Variants in KBTBD11 observed in about 807,000 individuals in gnomAD.
KBTBD11 encodes the protein kelch repeat and BTB domain containing 11, also known as kelch repeat and BTB domain-containing protein 11.
For missense variants in KBTBD11, 1,390 were observed against 1,001.8 expected, an observed-to-expected ratio of 1.39 and a Z score of -5.23; for synonymous variants, 747 against 499.0, an observed-to-expected ratio of 1.50 and a Z score of -6.63.
Position 2,001,841 on chromosome 8 carries a change from C to T in KBTBD11, c.649C>T (p.Pro217Ser). Residue 217 changes from proline (P) to serine (S), a missense_variant, in exon 2 of 2, where the codon CCC becomes TCC. Pro to Ser is a moderately conservative substitution (Grantham distance 74). Transcript: ENST00000320248. ...GGCCGGCGCGCGCCGCCTGCAGCTG[C>T]CCGGCGCCGCGCAGCGCGCCACCGA... is the stretch of plus-strand genomic sequence containing the variant. ...VVAGARRLQL[P>S]GAAQRATDAV... 8.1e-7 allele frequency: 1 copy of T among 1,232,246 alleles called. No individual in the cohort carries two copies. Among genetic ancestry groups the T allele is most frequent in the Non-Finnish European group, 1.0e-6 (1 of 988,150 alleles). The allele number at this position is 1,232,246 out of a possible 1,614,324, so 76.3% of individuals were successfully genotyped here. A position where few individuals can be genotyped will look rare whatever the true frequency, so the allele number is the denominator to read the frequency against.
At chr8:1,974,320 G>A (rs1398630039) in intron 1 of KBTBD11, 2 of 984,492 alleles carry the variant, frequency 2.0e-6, no homozygotes, top group African/African-American at 3.5e-5. Context: ...CGCCCGCGCC[G>A]CGCCCGCAGT....
chr8:2,006,421 G>A lies in KBTBD11; in HGVS notation c.*3357G>A, dbSNP rs4288423. 147,700 of 166,980 alleles carry A rather than the reference G, an allele frequency of 0.88. 65,667 individuals are homozygous for A. The highest frequency in any genetic ancestry group is 1 in the East Asian group (5,178 of 5,182). 10.3% of individuals were successfully genotyped at this position (166,980 alleles called of 1,614,324 possible). On this transcript the variant is annotated 3_prime_UTR_variant, in exon 2 of 2. Coordinates refer to ENST00000320248, the MANE Select transcript of KBTBD11 (RefSeq NM_014867.3). ...GCTTTCCTAGCTTACAAAAAGTTCT[G>A]TTTTTGGGTTAAAAATCAATCAACT...
rs1333742008 is a variant in KBTBD11, at chr8:1,973,799, A to G, written c.-1045A>G. ...ACGCCCCGCTGCGGGTCGGAGGAGC[A>G]GCTCCCGCTCGCAGGTGCTCGGAGA... On this transcript the variant is annotated 5_prime_UTR_variant, in exon 1 of 2. Transcript: ENST00000320248. 11 of 983,182 alleles carry G rather than the reference A, an allele frequency of 1.1e-5. No homozygotes were observed. Among genetic ancestry groups the G allele is most frequent in the African/African-American group, 3.5e-5 (2 of 56,868 alleles). 60.9% of individuals were successfully genotyped at this position (983,182 alleles called of 1,614,324 possible).
intron 1 of KBTBD11, among the ~76,000 whole-genome samples, chr8:1,992,637 T>C (rs975059346): frequency 6.6e-6 from 1 of 152,094 alleles, no homozygotes; most frequent in Non-Finnish European, 1.5e-5. Context: ...TCCCCATCCT[T>C]ATTTTCATAC....
At chr8:1,982,124 G>C (rs1349409633) in intron 1 of KBTBD11, among the ~76,000 whole-genome samples, 1 of 152,214 alleles carries the variant, frequency 6.6e-6, no homozygotes, top group Non-Finnish European at 1.5e-5. Flanking sequence ...AAATGGGTGG[G>C]GGGCAGGAGT....
chr8:1,988,778 T>C (rs567257012), intron 1 of KBTBD11, among the ~76,000 whole-genome samples: 3 of 152,214 alleles, frequency 2.0e-5, no homozygotes, highest in African/African-American at 7.2e-5. Context: ...GCTACCATTT[T>C]AGTAGCTGGC....
At position 2,001,228 on chromosome 8, in the gene KBTBD11, A is replaced by G. The variant is rs745506489; in HGVS notation, c.36A>G (p.Pro12=). 3 of 1,468,690 alleles carry G rather than the reference A, an allele frequency of 2.0e-6. No homozygotes were observed. The highest frequency in any genetic ancestry group is 2.7e-6 in the Non-Finnish European group (3 of 1,112,520). The allele number at this position is 1,468,690 out of a possible 1,614,324, so 91.0% of individuals were successfully genotyped here. A position where few individuals can be genotyped will look rare whatever the true frequency, so the allele number is the denominator to read the frequency against. The change falls in exon 2 of 2, where the codon CCA becomes CCG. Residue 12 remains proline, a synonymous_variant. Transcript: ENST00000320248. The stretch of plus-strand genomic sequence containing the variant: ...CGGTGGCCCCCTGCGTCCTCTACCC[A>G]GGGACTGAGCCCGGGGCTGCCGGGG... ...EHAVAPCVLY[P]GTEPGAAGES...
chr8:1,997,417 G>T (rs908616916), intron 1 of KBTBD11, among the ~76,000 whole-genome samples: 1 of 148,006 alleles, frequency 6.8e-6, no homozygotes, highest in Non-Finnish European at 1.5e-5. Flanking sequence ...AAAAAAAAAA[G>T]TCTTAATGTT....
In KBTBD11 at chr8:2,001,511, T is replaced by C; in HGVS notation, c.319T>C (p.Ser107Pro). The C allele has an allele frequency of 1.4e-6, 2 of 1,396,520 alleles. No homozygotes were observed. The highest frequency in any genetic ancestry group is 3.1e-5 in the East Asian group (1 of 32,320). The allele number at this position is 1,396,520 out of a possible 1,614,324, so 86.5% of individuals were successfully genotyped here. A position where few individuals can be genotyped will look rare whatever the true frequency, so the allele number is the denominator to read the frequency against. The change falls in exon 2 of 2, where the codon TCC (serine) becomes CCC (proline). Residue 107 changes from serine to proline, a missense_variant. By Grantham distance (74) the Ser-to-Pro change is moderately conservative (BLOSUM62 -1). Transcript: ENST00000320248. ...RACPEEPAAP[S>P]PEPRVWLEDP... ...GTGCCCGGAAGAGCCCGCGGCGCCG[T>C]CCCCCGAACCGCGCGTTTGGCTTGA...
intron 1 of KBTBD11, chr8:1,976,404 C>G (rs982162435): frequency 2.0e-5 from 3 of 152,130 alleles, no homozygotes; most frequent in Non-Finnish European, 4.4e-5. Flanking sequence ...ATTAAAGCAT[C>G]TAGTTTACTT....
chr8:1,984,246 T>C (rs1395064186), intron 1 of KBTBD11, among the ~76,000 whole-genome samples: 1 of 148,624 alleles, frequency 6.7e-6, no homozygotes, highest in Non-Finnish European at 1.5e-5. Context: ...GGGACCAGCC[T>C]GGGCAACATA....
intron 1 of KBTBD11, among the ~76,000 whole-genome samples, chr8:1,998,407 G>A (rs1817221896): frequency 6.6e-6 from 1 of 152,152 alleles, no homozygotes; most frequent in Non-Finnish European, 1.5e-5. Flanking sequence ...CACTCTTTCA[G>A]GCTTTGAACT....
chr8:1,999,746 A>T (rs1279461823), intron 1 of KBTBD11, among the ~76,000 whole-genome samples: 1 of 152,186 alleles, frequency 6.6e-6, no homozygotes, highest in Non-Finnish European at 1.5e-5. Context: ...CTGTTGGCTG[A>T]AGCTGATTCC....
At chr8:1,984,358 G>A (rs377004957) in intron 1 of KBTBD11, among the ~76,000 whole-genome samples, 7 of 140,828 alleles carry the variant, frequency 5.0e-5, no homozygotes, top group South Asian at 2.2e-4. Flanking sequence ...GCGTGATCTC[G>A]GCTCACTGCA....
At chr8:1,984,690 C>T (rs1052781485) in intron 1 of KBTBD11, among the ~76,000 whole-genome samples, 4 of 152,142 alleles carry the variant, frequency 2.6e-5, no homozygotes, top group African/African-American at 9.7e-5. Flanking sequence ...CCAAACTTGA[C>T]TTCCCACAGG....
chr8:1,998,107 T>G (rs553007352), intron 1 of KBTBD11, among the ~76,000 whole-genome samples: 2 of 152,356 alleles, frequency 1.3e-5, no homozygotes, highest in Admixed American at 1.3e-4. Context: ...TGAACTGTTT[T>G]GAGTGCTGAC....
chr8:1,976,904 G>A (rs989700106), intron 1 of KBTBD11, among the ~76,000 whole-genome samples: 3 of 152,220 alleles, frequency 2.0e-5, no homozygotes, highest in Admixed American at 2.0e-4. Flanking sequence ...AGTGAGGGGC[G>A]CTGGAGCAGG....
chr8:1,979,639 C>G (rs1816472555), intron 1 of KBTBD11, among the ~76,000 whole-genome samples: 1 of 152,150 alleles, frequency 6.6e-6, no homozygotes, highest in African/African-American at 2.4e-5. Context: ...AAAACAAAAC[C>G]CTTCATAGTG....
chr8:2,006,573 T>G lies in KBTBD11; in HGVS notation c.*3509T>G, dbSNP rs1382726788. On this transcript the variant is annotated 3_prime_UTR_variant, in exon 2 of 2. Transcript: ENST00000320248. ...CCACATCATTTCCACGTTTTCCACA[T>G]CCGGGAGGAAGCCTGGACTGTGCAG... 1 of 167,080 alleles carries G rather than the reference T, an allele frequency of 6.0e-6. No individual in the cohort carries two copies. The highest frequency in any genetic ancestry group is 1.5e-5 in the Non-Finnish European group (1 of 68,124). The allele number at this position is 167,080 out of a possible 1,614,324, so 10.3% of individuals were successfully genotyped here. A position where few individuals can be genotyped will look rare whatever the true frequency, so the allele number is the denominator to read the frequency against.
Sources: allele counts gnomAD v4.1 joint callset (sites outside exome capture counted in the v4.1 genomes callset), GRCh38; gene constraint gnomAD v4.1.1; transcripts MANE v1.5; gene names NCBI Gene and HGNC (gene_info 2026-07-23, HGNC 2026-07-21).